The following NFATC2 variants were observed in gnomAD, a reference collection of about 807,000 sequenced individuals.
The protein encoded by NFATC2 is nuclear factor of activated T cells 2, also known as nuclear factor of activated T-cells, cytoplasmic 2.
NFATC2 carries 22 observed loss-of-function variants against 87.3 expected under a neutral mutation model. The ratio of observed to expected loss-of-function variants is 0.25; its 90% confidence interval spans 0.18 to 0.36. NFATC2 has a LOEUF of 0.36. Among genes scored for constraint, NFATC2 ranks in the 10% least tolerant of loss-of-function variants. NFATC2 has a pLI of 1.00. For synonymous variants in NFATC2, 565 were observed against 542.2 expected, an observed-to-expected ratio of 1.04 and a Z score of -0.58; for missense variants, 1,149 against 1,259.1, an observed-to-expected ratio of 0.91 and a Z score of 1.32.
At chr20:51,463,640 C>A (rs888481951) in intron 5 of NFATC2, among the ~76,000 whole-genome samples, 1 of 152,196 alleles carries the variant, frequency 6.6e-6, no homozygotes, top group Non-Finnish European at 1.5e-5. Flanking sequence ...GCTTTAACCC[C>A]AGCTCTGCCC....
chr20:51,410,479 C>G lies in NFATC2; in HGVS notation c.2723-11749G>C, dbSNP rs192421592. 3.5e-3 allele frequency among the ~76,000 whole-genome samples: 535 copies of G among 151,458 alleles called. 4 individuals carry two copies. Among genetic ancestry groups the G allele is most frequent in the African/African-American group, 0.012 (486 of 41,260 alleles). On this transcript the variant is annotated intron_variant, in intron 9 of 10. Coordinates refer to ENST00000371564, the MANE Select transcript of NFATC2 (RefSeq NM_012340.5). ...GGTAAGTACACAGTATGTTTGTGTACTCACATATATTTTAAACATATTTAT... is the reference window on the plus strand; with the variant it reads ...GGTAAGTACACAGTATGTTTGTGTAGTCACATATATTTTAAACATATTTAT...
At chr20:51,437,109 G>A (rs1311864948) in intron 6 of NFATC2, among the ~76,000 whole-genome samples, 19 of 89,106 alleles carry the variant, frequency 2.1e-4, no homozygotes, top group Non-Finnish European at 4.8e-4. Flanking sequence ...CAAGAAGTTG[G>A]GCCAAAAAAA....
In NFATC2 at chr20:51,542,703, G is replaced by A; in HGVS notation, c.-204C>T. On this transcript the variant is annotated 5_prime_UTR_variant, in exon 1 of 11. Transcript: ENST00000371564. ...GAAGCTGAGCGGCGGCGGCGACGGCGGCGCGAGCTTCCTGCTCCGGAGGCA... is the reference window on the plus strand; with the variant it reads ...GAAGCTGAGCGGCGGCGGCGACGGCAGCGCGAGCTTCCTGCTCCGGAGGCA... 9.3e-7 allele frequency: 1 copy of A among 1,080,816 alleles called. No homozygotes were observed. Among genetic ancestry groups the A allele is most frequent in the Non-Finnish European group, 1.1e-6 (1 of 892,826 alleles). 67.0% of individuals were successfully genotyped at this position (1,080,816 alleles called of 1,614,324 possible).
intron 3 of NFATC2, among the ~76,000 whole-genome samples, chr20:51,484,595 C>G (rs1270236002): frequency 1.3e-5 from 2 of 152,220 alleles, no homozygotes; most frequent in Non-Finnish European, 2.9e-5. Flanking sequence ...CAGCTGCAGT[C>G]TCTCCAGACC....
At chr20:51,519,190 C>G (rs1293341897) in intron 2 of NFATC2, among the ~76,000 whole-genome samples, 1 of 152,126 alleles carries the variant, frequency 6.6e-6, no homozygotes, top group African/African-American at 2.4e-5. Context: ...CAAACTATGA[C>G]TCCTTAAAAA....
chr20:51,396,434 C>A (rs1987155541), intron 10 of NFATC2, among the ~76,000 whole-genome samples: 1 of 152,134 alleles, frequency 6.6e-6, no homozygotes, highest in African/African-American at 2.4e-5. Flanking sequence ...TAGGCCCTTT[C>A]CCTTTGACTG....
At chr20:51,528,488 G>A (rs142185579) in intron 1 of NFATC2, among the ~76,000 whole-genome samples, 18 of 152,112 alleles carry the variant, frequency 1.2e-4, no homozygotes, top group African/African-American at 7.2e-5. Context: ...AGATGTACAC[G>A]CACAGACAGA....
rs372508312 is a variant in NFATC2, at chr20:51,523,719, G to A, written c.522C>T (p.Ser174=). Residue 174 remains serine, a synonymous_variant, in exon 2 of 11, where the codon TCC becomes TCT. Coordinates refer to ENST00000371564, the MANE Select transcript of NFATC2 (RefSeq NM_012340.5). The surrounding 1 kb of genome is among the most constrained non-coding windows in gnomAD (Gnocchi z 6.9). ...AGGTGTCAGAAATGAAGCTGGCAGA[G>A]GAGCCGCTGCTAGCGGGGCTCAAGC... ...PLCLSPASSG[S]SASFISDTFS... 6.2e-7 allele frequency: 1 copy of A among 1,612,322 alleles called. No individual in the cohort carries two copies. The highest frequency in any genetic ancestry group is 1.3e-5 in the African/African-American group (1 of 74,988).
At chr20:51,517,343 C>G (rs868355799) in intron 2 of NFATC2, among the ~76,000 whole-genome samples, 1 of 151,882 alleles carries the variant, frequency 6.6e-6, no homozygotes, top group Non-Finnish European at 1.5e-5. Flanking sequence ...AATCTCAGCA[C>G]TTTGGGAAGA....
At chr20:51,438,520 T>TAG (rs1983893194) in intron 6 of NFATC2, among the ~76,000 whole-genome samples, 4 of 151,254 alleles carry the variant, frequency 2.6e-5, no homozygotes, top group Admixed American at 1.3e-4. Context: ...GGAAATGTGG[T>TAG]CAGGAAGTAT....
intron 3 of NFATC2, among the ~76,000 whole-genome samples, chr20:51,498,372 G>A (rs6013199): frequency 0.012 from 1,837 of 152,296 alleles, 35 homozygotes; most frequent in African/African-American, 0.042. Context: ...CTGTGCTTGG[G>A]ACTGGGGATG....
intron 1 of NFATC2, among the ~76,000 whole-genome samples, chr20:51,551,783 A>T (rs575839385): frequency 8.5e-5 from 13 of 152,058 alleles, no homozygotes; most frequent in Middle Eastern, 3.4e-3. Context: ...ATCCCAGCAC[A>T]TTGGGAGGCC....
intron 1 of NFATC2, among the ~76,000 whole-genome samples, chr20:51,561,519 G>A (rs2077032107): frequency 7.4e-6 from 1 of 134,336 alleles, no homozygotes; most frequent in East Asian, 2.1e-4. Context: ...AAGCAAGCAA[G>A]CAAGCAAGCA....
At chr20:51,415,819 C>T in intron 9 of NFATC2, among the ~76,000 whole-genome samples, 1 of 152,302 alleles carries the variant, frequency 6.6e-6, no homozygotes, top group East Asian at 1.9e-4. Context: ...CATTCCTCCT[C>T]CTCCTTTCCC....
At chr20:51,445,642 G>A (rs1413275364) in intron 6 of NFATC2, among the ~76,000 whole-genome samples, 1 of 152,088 alleles carries the variant, frequency 6.6e-6, no homozygotes, top group African/African-American at 2.4e-5. Flanking sequence ...TCTCTCTTGG[G>A]CCTGTGACCT....
upstream of NFATC2, among the ~76,000 whole-genome samples, chr20:51,544,771 T>G (rs998316394): frequency 2.0e-5 from 3 of 152,224 alleles, no homozygotes. Context: ...GGGTTGGGAC[T>G]TAGGCATCAG....
rs1458747042 is a variant in NFATC2 at position 51,389,722 on chromosome 20, A to C, written c.*1774T>G. On this transcript the variant is annotated 3_prime_UTR_variant, in exon 11 of 11. Coordinates refer to ENST00000371564, the MANE Select transcript of NFATC2 (RefSeq NM_012340.5). ...CCCGAATCTGAGCATTTTGCCTTCT[A>C]TCTGGAGTGCCAAACACACCTGGCC... 6.6e-6 allele frequency: 1 copy of C among 152,126 alleles called. No individual in the cohort carries two copies. Among genetic ancestry groups the C allele is most frequent in the Non-Finnish European group, 1.5e-5 (1 of 68,018 alleles). The allele number at this position is 152,126 out of a possible 1,614,324, so 9.4% of individuals were successfully genotyped here.
intron 6 of NFATC2, among the ~76,000 whole-genome samples, chr20:51,449,187 C>T (rs905623563): frequency 1.2e-4 from 18 of 152,204 alleles, no homozygotes; most frequent in African/African-American, 3.1e-4. Context: ...CGCCCCGCCC[C>T]GCAGAGCCCT....
rs77745363 is a variant in NFATC2 at position 51,395,689 on chromosome 20, T to C, written c.*44+2954A>G. On this transcript the variant is annotated intron_variant, in intron 10 of 10. Transcript: ENST00000371564. ...GAAAGGAAAAAGTGAACCGATCTTA[T>C]GTAAAAATTACGCACAAAACATGCT... Among the ~76,000 whole-genome samples, 5 of 128,136 alleles carry C rather than the reference T, an allele frequency of 3.9e-5. No individual in the cohort carries two copies. In the South Asian group the frequency reaches 1.2e-3, roughly 31 times the overall value. The allele number at this position is 128,136 out of a possible 152,430, so 84.1% of individuals were successfully genotyped here.
Sources: gnomAD v4.1 joint callset for allele counts (sites outside exome capture counted in the v4.1 genomes callset) on GRCh38, gnomAD v4.1.1 for gene constraint, Gnocchi (gnomAD v3.1) non-coding constraint, MANE v1.5 for transcripts, NCBI Gene and HGNC (gene_info 2026-07-23, HGNC 2026-07-21) for gene names.